The following TXNRD2 variants were observed in gnomAD, a reference collection of about 807,000 sequenced individuals.
TXNRD2 encodes thioredoxin reductase 2, mitochondrial.
In TXNRD2, 67 loss-of-function variants were observed where a neutral mutation model predicts 70.8. That is an observed-to-expected ratio of 0.95 (90% confidence interval 0.78 to 1.16). The LOEUF (loss-of-function observed/expected upper bound fraction) is 1.16. Ranked by LOEUF, TXNRD2 falls within the 50% of genes most tolerant of loss-of-function variation. The probability of loss-of-function intolerance (pLI) is 0.00; values close to 1 mark genes in which losing one functional copy is unlikely to be tolerated. For synonymous variants in TXNRD2, 301 were observed against 295.8 expected, an observed-to-expected ratio of 1.02 and a Z score of -0.18; for missense variants, 644 against 719.9, an observed-to-expected ratio of 0.89 and a Z score of 1.21.
At chr22:19,878,517 G>T in intron 14 of TXNRD2, 80 bp from the exon 15 acceptor site, 1 of 1,249,308 alleles carries the variant, frequency 8.0e-7, no homozygotes, top group Non-Finnish European at 1.2e-6. Flanking sequence ...AGGCTGCATG[G>T]GCAAGGCAGG....
At chr22:19,933,702 G>C (rs1270291872) in intron 1 of TXNRD2, among the ~76,000 whole-genome samples, 1 of 152,200 alleles carries the variant, frequency 6.6e-6, no homozygotes, top group Non-Finnish European at 1.5e-5. Flanking sequence ...TAGCCTGCTG[G>C]GAAGGAAGGA....
chr22:19,929,463 A>G (rs986709336), intron 2 of TXNRD2, among the ~76,000 whole-genome samples: 1 of 152,138 alleles, frequency 6.6e-6, no homozygotes, highest in Non-Finnish European at 1.5e-5. Context: ...ACGCCACTGC[A>G]CTCCAGCCTG....
intron 11 of TXNRD2, chr22:19,893,876 G>C (rs1404586374): frequency 6.6e-6 from 1 of 152,238 alleles, no homozygotes; most frequent in Non-Finnish European, 1.5e-5. Context: ...GGACCCACTG[G>C]GAAACACTGA....
At chr22:19,890,656 C>T (rs565478658) in intron 11 of TXNRD2, among the ~76,000 whole-genome samples, 4 of 152,310 alleles carry the variant, frequency 2.6e-5, no homozygotes, top group Non-Finnish European at 4.4e-5. Flanking sequence ...CAGGAGGAGC[C>T]GCCCCTTCCC....
intron 14 of TXNRD2, among the ~76,000 whole-genome samples, chr22:19,878,977 C>T (rs1367538883): frequency 6.6e-6 from 1 of 152,202 alleles, no homozygotes; most frequent in Non-Finnish European, 1.5e-5. Flanking sequence ...ATGAGTGGGG[C>T]CCTCACATGT....
At chr22:19,905,656 A>G (rs939518249) in intron 8 of TXNRD2, among the ~76,000 whole-genome samples, 1 of 152,164 alleles carries the variant, frequency 6.6e-6, no homozygotes, top group Non-Finnish European at 1.5e-5. Context: ...CAGACATCCA[A>G]GGCCATTTCC....
intron 11 of TXNRD2, among the ~76,000 whole-genome samples, chr22:19,886,489 G>T (rs986852859): frequency 6.6e-6 from 1 of 152,264 alleles, no homozygotes; most frequent in African/African-American, 2.4e-5. Context: ...ACTGGGGCCC[G>T]AATGCTGTGA....
intron 8 of TXNRD2, among the ~76,000 whole-genome samples, chr22:19,899,746 C>A (rs1939687409): frequency 6.6e-6 from 1 of 152,248 alleles, no homozygotes; most frequent in Non-Finnish European, 1.5e-5. Context: ...ACATGCCACA[C>A]ACCTGCATGC....
At position 19,926,930 on chromosome 22, in the gene TXNRD2, CT is replaced by C. The variant is rs148632825; in HGVS notation, c.172+4099del. ...GGGTACAGGGTATTTTGGGGAGAAA[CT>C]AAAATGTTCTTGAATAACACAGGTT... On this transcript the variant is annotated intron_variant, in intron 2 of 17. Coordinates refer to ENST00000400521, the MANE Select transcript of TXNRD2 (RefSeq NM_006440.5). Among the ~76,000 whole-genome samples, 19 of 152,284 alleles carry C rather than the reference CT, an allele frequency of 1.2e-4. No homozygotes were observed. In the East Asian group the frequency reaches 2.9e-3, roughly 23 times the overall value.
chr22:19,924,387 C>G (rs1313624754), intron 2 of TXNRD2, among the ~76,000 whole-genome samples: 1 of 152,186 alleles, frequency 6.6e-6, no homozygotes. Context: ...TAAGGCCCAG[C>G]CTCATCAGCT....
At chr22:19,908,771 T>C (rs1234508878) in intron 8 of TXNRD2, among the ~76,000 whole-genome samples, 2 of 152,218 alleles carry the variant, frequency 1.3e-5, no homozygotes, top group Admixed American at 6.5e-5. Context: ...GTGGTGTGCC[T>C]GTACAATGGA....
intron 8 of TXNRD2, among the ~76,000 whole-genome samples, chr22:19,904,570 C>T (rs1939922032): frequency 6.6e-6 from 1 of 152,220 alleles, no homozygotes; most frequent in Non-Finnish European, 1.5e-5. Flanking sequence ...ACTGTGGGCA[C>T]CACTCGCCAG....
At chr22:19,931,195 T>A in intron 1 of TXNRD2, 97 bp from the exon 2 acceptor site, 1 of 1,125,222 alleles carries the variant, frequency 8.9e-7, no homozygotes, top group Admixed American at 1.7e-5. Context: ...TCTGTGATGG[T>A]CAGGGGTGAC....
At chr22:19,883,629 T>C in intron 11 of TXNRD2, 168 bp from the exon 12 acceptor site, 4 of 898,986 alleles carry the variant, frequency 4.4e-6, no homozygotes, top group Non-Finnish European at 7.0e-6. Flanking sequence ...CCTGAGGTCA[T>C]GAGTTCGAGA....
At chr22:19,925,072 C>T (rs1026662070) in intron 2 of TXNRD2, among the ~76,000 whole-genome samples, 1 of 150,282 alleles carries the variant, frequency 6.7e-6, no homozygotes, top group Admixed American at 6.7e-5. Context: ...ATCACAAGGT[C>T]AGGAGATCGA....
intron 8 of TXNRD2, among the ~76,000 whole-genome samples, chr22:19,902,197 C>T (rs1292964358): frequency 2.0e-5 from 3 of 152,154 alleles, no homozygotes; most frequent in African/African-American, 4.8e-5. Flanking sequence ...ACAAACAAAA[C>T]AAAACAAATA....
At chr22:19,894,076 T>C (rs1218623936) in intron 11 of TXNRD2, 1 of 152,268 alleles carries the variant, frequency 6.6e-6, no homozygotes, top group Non-Finnish European at 1.5e-5. Flanking sequence ...AAGGAAATGC[T>C]GGCACATGCT....
intron 8 of TXNRD2, among the ~76,000 whole-genome samples, chr22:19,907,561 A>T: frequency 2.3e-5 from 1 of 43,722 alleles, no homozygotes; most frequent in South Asian, 9.9e-4. Context: ...CGCTCTCAGG[A>T]GAGTGTGGGC....
chr22:19,881,857 G>A (rs1938794908), intron 12 of TXNRD2, among the ~76,000 whole-genome samples: 1 of 152,250 alleles, frequency 6.6e-6, no homozygotes, highest in Non-Finnish European at 1.5e-5. Flanking sequence ...GCTGCAGGGT[G>A]GCTGAGGCAC....
Sources: gnomAD v4.1 joint callset for allele counts (sites outside exome capture counted in the v4.1 genomes callset) on GRCh38, gnomAD v4.1.1 for gene constraint, MANE v1.5 for transcripts, NCBI Gene and HGNC (gene_info 2026-07-23, HGNC 2026-07-21) for gene names.